CBR4: variants seen among roughly 807,000 people sequenced by gnomAD.
The protein encoded by CBR4 is 3-oxoacyl-[acyl-carrier-protein] reductase.
Under a neutral mutation model 21.0 loss-of-function variants are expected in CBR4, and 22 were observed. That is an observed-to-expected ratio of 1.05 (90% CI 0.75 to 1.50). The LOEUF is 1.50. Among genes scored for constraint, CBR4 ranks in the 40% most tolerant of loss-of-function variants. CBR4 has a pLI of 0.00. For synonymous variants in CBR4, 100 were observed against 104.4 expected (o/e 0.96, Z 0.26); for missense variants, 302 against 286.3 (o/e 1.05, Z -0.40).
chr4:168,939,100 C>T (rs1248955156), intron 2 of CBR4, among the ~76,000 whole-genome samples: 2 of 152,100 alleles, frequency 1.3e-5, no homozygotes, highest in African/African-American at 2.4e-5. Context: ...TTATCTACCA[C>T]GATCAAGTCG....
chr4:168,979,195 ACC>A (rs923053515), intron 2 of CBR4, among the ~76,000 whole-genome samples: 3 of 110,786 alleles, frequency 2.7e-5, no homozygotes, highest in Non-Finnish European at 5.5e-5. Context: ...CAGTCACCCC[ACC>A]CCCACTGAGC....
At chr4:168,950,093 T>A (rs1763498761) in intron 2 of CBR4, among the ~76,000 whole-genome samples, 2 of 152,196 alleles carry the variant, frequency 1.3e-5, no homozygotes, top group African/African-American at 4.8e-5. Flanking sequence ...CTTTTGCATT[T>A]TGTTGTTGTT....
At chr4:168,912,464 C>T (rs186724397) in intron 2 of CBR4, among the ~76,000 whole-genome samples, 1 of 152,196 alleles carries the variant, frequency 6.6e-6, no homozygotes, top group Non-Finnish European at 1.5e-5. Flanking sequence ...GTGAAAAAAA[C>T]AAATTAAGAG....
chr4:168,961,940 C>CAGGAGAGGAGAGGAGAGGAG (rs11267211), intron 2 of CBR4, among the ~76,000 whole-genome samples: 1 of 133,668 alleles, frequency 7.5e-6, no homozygotes, highest in Admixed American at 7.7e-5. Flanking sequence ...GAGGAGAGCA[C>CAGGAGAGGAGAGGAGAGGAG]AGGAGAGGAG....
intron 2 of CBR4, among the ~76,000 whole-genome samples, chr4:168,982,029 A>G (rs1384777512): frequency 6.6e-6 from 1 of 152,248 alleles, no homozygotes; most frequent in Non-Finnish European, 1.5e-5. Flanking sequence ...CATAACAATC[A>G]GCTAATAACA....
chr4:168,925,212 TC>T, intron 2 of CBR4: 2 of 1,597,588 alleles, frequency 1.3e-6, no homozygotes, highest in Non-Finnish European at 1.7e-6. Flanking sequence ...CATATTGCTC[TC>T]TCTCTCTTTC....
intron 2 of CBR4, among the ~76,000 whole-genome samples, chr4:168,898,935 ATAAC>A (rs1755853264): frequency 6.6e-6 from 1 of 152,200 alleles, no homozygotes; most frequent in South Asian, 2.1e-4. Context: ...AGAATAGAGA[ATAAC>A]TAACAGGGAG....
chr4:168,943,357 A>G (rs955685037), intron 2 of CBR4, among the ~76,000 whole-genome samples: 1 of 152,196 alleles, frequency 6.6e-6, no homozygotes, highest in East Asian at 1.9e-4. Context: ...TGAGAAAGCC[A>G]CCGCACAAAG....
chr4:168,975,510 G>T (rs926310240), intron 2 of CBR4, among the ~76,000 whole-genome samples: 2 of 152,176 alleles, frequency 1.3e-5, no homozygotes, highest in African/African-American at 4.8e-5. Context: ...GTAGTGGCTT[G>T]AGTTCATTGG....
At position 168,989,967 on chromosome 4, in the gene CBR4, A is replaced by T; in HGVS notation, c.*183T>A. ...ACACTGATGTAACTTAGACCAAAAA[A>T]AAAAAAACCACAATTTGTCACACAT... On this transcript the variant is annotated 3_prime_UTR_variant, in exon 5 of 5. Coordinates refer to ENST00000306193, the MANE Select transcript of CBR4 (RefSeq NM_032783.5). The T allele has an allele frequency of 8.0e-7, 1 of 1,254,898 alleles. No individual in the cohort carries two copies. The highest frequency in any genetic ancestry group is 1.0e-6 in the Non-Finnish European group (1 of 999,148). 77.7% of individuals were successfully genotyped at this position (1,254,898 alleles called of 1,614,324 possible). A position where few individuals can be genotyped will look rare whatever the true frequency, so the allele number is the denominator to read the frequency against.
At position 168,936,641 on chromosome 4, in the gene CBR4, A is replaced by G. The variant is rs1763120177; in HGVS notation, n.170-41876T>C. Among the ~76,000 whole-genome samples, 3 of 152,138 alleles carry G rather than the reference A, an allele frequency of 2.0e-5. 1 individual carries two copies. The South Asian group carries it at 6.2e-4, about 32-fold the overall frequency. Reference sequence around the variant, plus strand: ...GCACGAGAACTTCGTGAAGTATACAAAAGTATCAACAGCTGAATCGATCAA... The same window carrying G: ...GCACGAGAACTTCGTGAAGTATACAGAAGTATCAACAGCTGAATCGATCAA... On this transcript the variant is annotated intron_variant and non_coding_transcript_variant, in intron 2 of 3. Transcript: ENST00000509108.
chr4:168,999,597 T>G (rs895763070), intron 4 of CBR4, among the ~76,000 whole-genome samples: 4 of 127,404 alleles, frequency 3.1e-5, no homozygotes, highest in African/African-American at 1.2e-4. Flanking sequence ...GGTTGTATGC[T>G]CAACAAAAAA....
intron 2 of CBR4, among the ~76,000 whole-genome samples, chr4:168,897,634 T>A (rs1261747639): frequency 6.6e-6 from 1 of 152,092 alleles, no homozygotes; most frequent in African/African-American, 2.4e-5. Context: ...AAATTTTTTG[T>A]AGAGATGGGG....
At position 168,913,372 on chromosome 4, in the gene CBR4, C is replaced by T. The variant is rs531682148; in HGVS notation, n.170-18607G>A. ...CAGGCTGGGCTCGAACTCCTGACCT[C>T]GTGATCCACCTGCGTCAGCCTCCCA... On this transcript the variant is annotated intron_variant and non_coding_transcript_variant, in intron 2 of 3. Transcript: ENST00000509108. Among the ~76,000 whole-genome samples the T allele has an allele frequency of 2.6e-5, 4 of 152,120 alleles. No individual in the cohort carries two copies. In the South Asian group the frequency reaches 6.2e-4, roughly 24 times the overall value.
chr4:168,971,689 A>G (rs1437967037), intron 2 of CBR4, among the ~76,000 whole-genome samples: 2 of 152,078 alleles, frequency 1.3e-5, no homozygotes, highest in African/African-American at 4.8e-5. Flanking sequence ...TAGATTCTAA[A>G]TATTAGCCCT....
intron 2 of CBR4, among the ~76,000 whole-genome samples, chr4:168,932,407 TAAAG>T (rs992008036): frequency 1.2e-4 from 18 of 151,040 alleles, no homozygotes; most frequent in Middle Eastern, 3.4e-3. Flanking sequence ...AAAAAAAGAA[TAAAG>T]AAAGCCTACA....
At chr4:168,992,099 G>C (rs772573529) in intron 4 of CBR4, among the ~76,000 whole-genome samples, 1 of 152,072 alleles carries the variant, frequency 6.6e-6, no homozygotes, top group African/African-American at 2.4e-5. Context: ...AAATATCTAC[G>C]CATTTTCTTA....
chr4:168,985,873 A>T (rs549506077), downstream of CBR4, among the ~76,000 whole-genome samples: 97 of 152,280 alleles, frequency 6.4e-4, no homozygotes, highest in African/African-American at 2.3e-3. Context: ...ACATGGACAC[A>T]AAAAAGGGAA....
intron 2 of CBR4, among the ~76,000 whole-genome samples, chr4:168,973,464 A>G (rs1764275453): frequency 6.6e-6 from 1 of 152,154 alleles, no homozygotes. Flanking sequence ...AGTAGCTGGG[A>G]TTACAGGCAC....
Sources: gnomAD v4.1 joint callset for allele counts (sites outside exome capture counted in the v4.1 genomes callset) on GRCh38, gnomAD v4.1.1 for gene constraint, MANE v1.5 for transcripts, NCBI Gene and HGNC (gene_info 2026-07-23, HGNC 2026-07-21) for gene names.